The following KCNQ1OT1 variants were observed in gnomAD, a reference collection of about 807,000 sequenced individuals.
The protein encoded by KCNQ1OT1 is KCNQ1 opposite strand/antisense transcript 1.
chr11:2,638,686 G>C (rs541716003), exon 1 of KCNQ1OT1: 16 of 152,190 alleles, frequency 1.1e-4, no homozygotes, highest in Non-Finnish European at 1.5e-4. Context: ...TATCTTTGTG[G>C]CATTCTCTGT....
exon 1 of KCNQ1OT1, chr11:2,688,032 GCA>G (rs1850521422): frequency 5.0e-6 from 2 of 398,690 alleles, no homozygotes; most frequent in South Asian, 2.5e-4. Context: ...GCTTGGGCAG[GCA>G]CACACTCCAC....
At chr11:2,666,612 G>C in exon 1 of KCNQ1OT1, 1 of 398,636 alleles carries the variant, frequency 2.5e-6, no homozygotes, top group Non-Finnish European at 4.4e-6. Flanking sequence ...AAGGGCAAAC[G>C]TCACAAGGGT....
exon 1 of KCNQ1OT1, chr11:2,609,714 A>T (rs565036463): frequency 6.0e-5 from 24 of 398,358 alleles, no homozygotes; most frequent in Admixed American, 1.3e-4. Context: ...TTGTTAGGTG[A>T]ATATATGTTT....
At chr11:2,666,415 G>T in exon 1 of KCNQ1OT1, 1 of 398,700 alleles carries the variant, frequency 2.5e-6, no homozygotes, top group Non-Finnish European at 4.4e-6. Context: ...ACAGCCCCGT[G>T]TGCGTTAATT....
In KCNQ1OT1 at chr11:2,658,731, A is replaced by T; in HGVS notation, n.41264T>A. 2 of 398,566 alleles carry T rather than the reference A, an allele frequency of 5.0e-6. No homozygotes were observed. Among genetic ancestry groups the T allele is most frequent in the Admixed American group, 8.8e-5 (2 of 22,730 alleles). The allele number at this position is 398,566 out of a possible 1,614,324, so 24.7% of individuals were successfully genotyped here. A position where few individuals can be genotyped will look rare whatever the true frequency, so the allele number is the denominator to read the frequency against. The stretch of plus-strand genomic sequence containing the variant: ...CCTGAGTACACATACATCTTTACAT[A>T]TCTGTATCTATATAAAGCTAACCAT... On this transcript the variant is annotated non_coding_transcript_exon_variant, in exon 1 of 1. Transcript: ENST00000597346. The surrounding 1 kb of genome is among the most constrained non-coding windows in gnomAD (Gnocchi z 4.9).
Position 2,608,730 on chromosome 11 carries a change from T to A in KCNQ1OT1, n.91265A>T. On this transcript the variant is annotated non_coding_transcript_exon_variant, in exon 1 of 1. Coordinates refer to ENST00000597346, the Ensembl canonical transcript of KCNQ1OT1. The surrounding 1 kb of genome is among the most constrained non-coding windows in gnomAD (Gnocchi z 4.6). ...TCTCGAACTCCTGGCCACAAGCAAT[T>A]CTCCTGCCTTGGCCTCCCAAAGTGC... 2 of 397,848 alleles carry A rather than the reference T, an allele frequency of 5.0e-6. No homozygotes were observed. The highest frequency in any genetic ancestry group is 8.8e-6 in the Non-Finnish European group (2 of 226,076). 24.6% of individuals were successfully genotyped at this position (397,848 alleles called of 1,614,324 possible). A position where few individuals can be genotyped will look rare whatever the true frequency, so the allele number is the denominator to read the frequency against.
chr11:2,619,594 G>A (rs7929804), exon 1 of KCNQ1OT1: 211,327 of 398,112 alleles, frequency 0.53, 58,152 homozygotes, highest in East Asian at 0.75. Flanking sequence ...TTTTTGCATC[G>A]GTATTCTTGG....
At position 2,670,657 on chromosome 11, in the gene KCNQ1OT1, G is replaced by GGC; in HGVS notation, n.29337_29338insGC. ...GGCAGAGGCCAGGATGAACCCTGAA[G>GGC]ATTGGTAGGAAGGCAGTGTAGCAGT... On this transcript the variant is annotated non_coding_transcript_exon_variant, in exon 1 of 1. Coordinates refer to ENST00000597346, the Ensembl canonical transcript of KCNQ1OT1. The surrounding 1 kb of genome is among the most constrained non-coding windows in gnomAD (Gnocchi z 4.9). The GGC allele has an allele frequency of 5.0e-6, 2 of 398,640 alleles. No homozygotes were observed. The highest frequency in any genetic ancestry group is 8.8e-6 in the Non-Finnish European group (2 of 226,102). The allele number at this position is 398,640 out of a possible 1,614,324, so 24.7% of individuals were successfully genotyped here.
chr11:2,609,748 A>G, exon 1 of KCNQ1OT1: 1 of 398,296 alleles, frequency 2.5e-6, no homozygotes, highest in Non-Finnish European at 4.4e-6. Context: ...CTTCTCATGA[A>G]TTGACATTTT....
At chr11:2,660,600 A>G (rs1260129075) in exon 1 of KCNQ1OT1, 3 of 398,522 alleles carry the variant, frequency 7.5e-6, no homozygotes, top group Non-Finnish European at 1.3e-5. Flanking sequence ...GAGGAAACCC[A>G]AACAGATGCC....
chr11:2,660,909 A>G (rs540396049), exon 1 of KCNQ1OT1: 87 of 398,660 alleles, frequency 2.2e-4, no homozygotes, highest in African/African-American at 1.4e-3. Context: ...AAGCAGCTTA[A>G]AACTATAAGA....
In KCNQ1OT1 at chr11:2,690,471, G is replaced by A; in HGVS notation, n.9524C>T. 1 of 398,636 alleles carries A rather than the reference G, an allele frequency of 2.5e-6. No individual in the cohort carries two copies. Among genetic ancestry groups the A allele is most frequent in the Non-Finnish European group, 4.4e-6 (1 of 226,074 alleles). The allele number at this position is 398,636 out of a possible 1,614,324, so 24.7% of individuals were successfully genotyped here. Reference sequence around the variant, plus strand: ...AAGATAAGAGCAGAGACTGGGTCCTGGGAACAGCCACTGGGCCCAGTCGGG... The same window carrying A: ...AAGATAAGAGCAGAGACTGGGTCCTAGGAACAGCCACTGGGCCCAGTCGGG... On this transcript the variant is annotated non_coding_transcript_exon_variant, in exon 1 of 1. Coordinates refer to ENST00000597346, the Ensembl canonical transcript of KCNQ1OT1. This position sits in a 1 kb window ranked among gnomAD's most constrained non-coding sequence, Gnocchi z 5.1.
At chr11:2,688,743 C>T in exon 1 of KCNQ1OT1, 1 of 398,924 alleles carries the variant, frequency 2.5e-6, no homozygotes, top group Non-Finnish European at 4.4e-6. Context: ...TGAGCTGCTG[C>T]TGGTTACTGT....
chr11:2,649,244 T>G (rs1018807834), exon 1 of KCNQ1OT1: 9 of 398,360 alleles, frequency 2.3e-5, no homozygotes, highest in African/African-American at 1.9e-4. Flanking sequence ...GACTTACTCC[T>G]GTCATTTTAT....
rs548782408 is a variant in KCNQ1OT1, at chr11:2,657,683, C to T, written n.42312G>A. On this transcript the variant is annotated non_coding_transcript_exon_variant, in exon 1 of 1. Coordinates refer to ENST00000597346, the Ensembl canonical transcript of KCNQ1OT1. This position sits in a 1 kb window ranked among gnomAD's most constrained non-coding sequence, Gnocchi z 4.8. ...CAGTTTAACTACTAATGTCCTTTTTCTGTTCCAAGATCCCATCTAGGATCG... is the reference window on the plus strand; with the variant it reads ...CAGTTTAACTACTAATGTCCTTTTTTTGTTCCAAGATCCCATCTAGGATCG... 8 of 398,576 alleles carry T rather than the reference C, an allele frequency of 2.0e-5. No homozygotes were observed. Among genetic ancestry groups the T allele is most frequent in the Non-Finnish European group, 3.5e-5 (8 of 226,040 alleles). The allele number at this position is 398,576 out of a possible 1,614,324, so 24.7% of individuals were successfully genotyped here.
exon 1 of KCNQ1OT1, chr11:2,618,366 C>T: frequency 2.5e-6 from 1 of 398,510 alleles, no homozygotes; most frequent in Non-Finnish European, 4.4e-6. Context: ...TGTTGGGCCT[C>T]ATTAAAGCCA....
At chr11:2,632,970 T>G (rs1008921399) in exon 1 of KCNQ1OT1, 2 of 398,396 alleles carry the variant, frequency 5.0e-6, no homozygotes, top group Non-Finnish European at 8.8e-6. Context: ...TAGTCTACTT[T>G]TAGTTTTTTT....
At position 2,625,519 on chromosome 11, in the gene KCNQ1OT1, A is replaced by G. The variant is rs756536805; in HGVS notation, n.74476T>C. The G allele has an allele frequency of 5.6e-4, 224 of 397,510 alleles. No individual in the cohort carries two copies. The highest frequency in any genetic ancestry group is 1.9e-3 in the Middle Eastern group (3 of 1,576). 24.6% of individuals were successfully genotyped at this position (397,510 alleles called of 1,614,324 possible). On this transcript the variant is annotated non_coding_transcript_exon_variant, in exon 1 of 1. Transcript: ENST00000597346. ...GACTAGAGATGTTAAACAACTTTTCACGTACTATTATCCATTTGTATATCT... is the reference window on the plus strand; with the variant it reads ...GACTAGAGATGTTAAACAACTTTTCGCGTACTATTATCCATTTGTATATCT...
chr11:2,630,520 C>T (rs985351308), exon 1 of KCNQ1OT1: 2 of 398,180 alleles, frequency 5.0e-6, no homozygotes, highest in Non-Finnish European at 8.9e-6. Context: ...CCAAGGTACA[C>T]CTTTTAATAT....
Sources: allele counts gnomAD v4.1 joint callset, GRCh38; gene constraint gnomAD v4.1.1; non-coding constraint Gnocchi (gnomAD v3.1); transcripts MANE v1.5; gene names NCBI Gene and HGNC (gene_info 2026-07-23, HGNC 2026-07-21).